HPS5: variants seen among roughly 807,000 people sequenced by gnomAD.
HPS5 encodes the protein BLOC-2 complex member HPS5.
In HPS5, 83 loss-of-function variants were observed where a neutral mutation model predicts 128.0. The ratio of observed to expected loss-of-function variants is 0.65; its 90% CI spans 0.54 to 0.78. The LOEUF (loss-of-function observed/expected upper bound fraction) is 0.78, where lower values mean the gene tolerates loss of function less well. Ranked by LOEUF, HPS5 falls within the 30% of genes least tolerant of loss-of-function variation. The pLI, the probability that HPS5 is intolerant of heterozygous loss-of-function variation, is 0.00. For missense variants in HPS5, 1,281 were observed against 1,326.2 expected (o/e 0.97, Z 0.53); for synonymous variants, 475 against 470.2 (o/e 1.01, Z -0.13).
chr11:18,312,511 C>T (rs149780886), intron 2 of HPS5, among the ~76,000 whole-genome samples: 1 of 152,162 alleles, frequency 6.6e-6, no homozygotes, highest in Non-Finnish European at 1.5e-5. Context: ...TGCCCAATAC[C>T]CCGTGGTAAA....
At chr11:18,295,641 A>G (rs1261369144) in intron 13 of HPS5, among the ~76,000 whole-genome samples, 1 of 152,262 alleles carries the variant, frequency 6.6e-6, no homozygotes, top group Non-Finnish European at 1.5e-5. Context: ...CCCTGGTCCC[A>G]TGGAGTAGCT....
At chr11:18,313,549 T>C (rs903801550) in intron 2 of HPS5, among the ~76,000 whole-genome samples, 7 of 152,174 alleles carry the variant, frequency 4.6e-5, no homozygotes. Flanking sequence ...CCCAACATTT[T>C]GGGAGGTCAG....
At chr11:18,295,848 G>A in intron 13 of HPS5, 151 bp downstream of exon 13, 1 of 813,196 alleles carries the variant, frequency 1.2e-6, no homozygotes, top group Non-Finnish European at 2.0e-6. Context: ...TCTCCCCAAG[G>A]TAAATGAGAA....
chr11:18,311,406 AATC>A lies in HPS5; in HGVS notation c.262_264del (p.Asp88del), dbSNP rs1329350124. The A allele has an allele frequency of 6.8e-6, 11 of 1,606,846 alleles. No homozygotes were observed. Among genetic ancestry groups the A allele is most frequent in the Non-Finnish European group, 9.4e-6 (11 of 1,173,942 alleles). ...TCTTACCTGGTAGCTACAGCAACATAATCATCATCATGTAAACAACAGGCGACT... is the reference window on the plus strand; with the variant it reads ...TCTTACCTGGTAGCTACAGCAACATAATCATCATGTAAACAACAGGCGACT... On this transcript the variant is annotated inframe_deletion, in exon 4 of 23. Coordinates refer to ENST00000349215, the MANE Select transcript of HPS5 (RefSeq NM_181507.2).
chr11:18,308,439 G>C (rs1476396062), intron 6 of HPS5, among the ~76,000 whole-genome samples: 1 of 152,136 alleles, frequency 6.6e-6, no homozygotes, highest in African/African-American at 2.4e-5. Context: ...CGGAATACTT[G>C]TCTTAGTCAC....
intron 2 of HPS5, among the ~76,000 whole-genome samples, chr11:18,315,294 G>A (rs1863482217): frequency 6.6e-6 from 1 of 152,090 alleles, no homozygotes; most frequent in Non-Finnish European, 1.5e-5. Context: ...CTCTCCAGAG[G>A]AATTTCCTTA....
Position 18,291,700 on chromosome 11 carries a change from C to T in HPS5, c.2182G>A (p.Ala728Thr), listed in dbSNP as rs150487992. The change falls in exon 16 of 23, where the codon GCC becomes ACC. Residue 728 changes from alanine (A) to threonine (T), a missense_variant. By Grantham distance (58) the Ala-to-Thr change is moderately conservative (BLOSUM62 0). Transcript: ENST00000349215. ...DDLFQICSPC[A>T]IASGLRNDLA... ...TCGTTCCGAAGACCACTTGCAATGG[C>T]GCATGGAGAACATATTTGAAACAGG... 1.2e-4 allele frequency: 188 copies of T among 1,614,162 alleles called. 1 individual carries two copies. The African/African-American group carries it at 1.6e-3, about 14-fold the overall frequency.
At chr11:18,310,136 G>A (rs1862804705) in intron 5 of HPS5, among the ~76,000 whole-genome samples, 1 of 152,216 alleles carries the variant, frequency 6.6e-6, no homozygotes, top group Admixed American at 6.5e-5. Context: ...GCAGGACAAT[G>A]AGAAGCTGGT....
Position 18,308,876 on chromosome 11 carries a change from TAGATA to T in HPS5, c.611+65_611+69del. 3 of 1,464,104 alleles carry T rather than the reference TAGATA, an allele frequency of 2.0e-6. No individual in the cohort carries two copies. The Admixed American group carries it at 5.1e-5, about 25-fold the overall frequency. 90.7% of individuals were successfully genotyped at this position (1,464,104 alleles called of 1,614,324 possible). A position where few individuals can be genotyped will look rare whatever the true frequency, so the allele number is the denominator to read the frequency against. ...TATAACTGATTGATGGGGCTTGGGG[TAGATA>T]ACTTCTAAGTTCCTCCCAGTTCTAA... On this transcript the variant is annotated intron_variant, in intron 6 of 22. Transcript: ENST00000349215.
intron 14 of HPS5, among the ~76,000 whole-genome samples, chr11:18,293,560 T>G (rs924037543): frequency 1.3e-5 from 2 of 152,170 alleles, no homozygotes; most frequent in Non-Finnish European, 2.9e-5. Flanking sequence ...CTCAAGGTGA[T>G]AAGCTCCAGT....
chr11:18,316,502 G>A (rs1050798643), intron 2 of HPS5, among the ~76,000 whole-genome samples: 1 of 152,020 alleles, frequency 6.6e-6, no homozygotes, highest in African/African-American at 2.4e-5. Context: ...AACACTAACG[G>A]GGAAAAATGA....
At chr11:18,288,734 C>CTCTGTG (rs139551322) in intron 16 of HPS5, among the ~76,000 whole-genome samples, 13 of 149,800 alleles carry the variant, frequency 8.7e-5, no homozygotes, top group African/African-American at 3.2e-4. Context: ...GAACTCCTGG[C>CTCTGTG]TGTGTGTGTG....
intron 18 of HPS5, 65 bp from the exon 19 acceptor site, chr11:18,286,775 G>C (rs1859786346): frequency 6.2e-7 from 1 of 1,601,630 alleles, no homozygotes; most frequent in Admixed American, 1.7e-5. Context: ...TAAAATGTGG[G>C]GAGTGTGAAG....
intron 18 of HPS5, chr11:18,286,930 A>C (rs1446454764): frequency 6.4e-6 from 4 of 623,538 alleles, no homozygotes; most frequent in East Asian, 2.7e-5. Flanking sequence ...AAGGGAGAGA[A>C]AGAGAGAGAG....
rs201333645 is a variant in HPS5 at position 18,282,144 on chromosome 11, G to T, written c.3135C>A (p.Pro1045=). Reference sequence around the variant, plus strand: ...TGAGGCTCCCATTTAGTGACTCCTGGGGGGCTGGCCTCGTGCTCTTGCTCT... The same window carrying T: ...TGAGGCTCCCATTTAGTGACTCCTGTGGGGCTGGCCTCGTGCTCTTGCTCT... ...LIQSKSTRPA[P]QESLNGSLSD... The change falls in exon 22 of 23, where the codon CCC becomes CCA. Residue 1045 remains proline (P), a synonymous_variant. Coordinates refer to ENST00000349215, the MANE Select transcript of HPS5 (RefSeq NM_181507.2). 5.6e-6 allele frequency: 9 copies of T among 1,614,112 alleles called. No homozygotes were observed. The highest frequency in any genetic ancestry group is 2.7e-5 in the African/African-American group (2 of 75,008).
intron 20 of HPS5, among the ~76,000 whole-genome samples, chr11:18,285,142 T>TAAAAAAA (rs532196282): frequency 2.4e-5 from 3 of 126,038 alleles, no homozygotes; most frequent in Non-Finnish European, 1.7e-5. Flanking sequence ...TAAGGCTATT[T>TAAAAAAA]AAAAAAAAAA....
chr11:18,286,528 T>C, intron 19 of HPS5, 63 bp downstream of exon 19: 1 of 1,500,358 alleles, frequency 6.7e-7, no homozygotes, highest in Non-Finnish European at 9.1e-7. Flanking sequence ...GGCGACAGAG[T>C]GAGATCCTGT....
rs146775168 is a variant in HPS5 at position 18,305,929 on chromosome 11, T to TCACCC, written c.824+205_824+206insGGGTG. On this transcript the variant is annotated intron_variant, in intron 7 of 22. Transcript: ENST00000349215. ...TTGTATTTTTGGTAGAGACGGGGTT[T>TCACCC]CACCGCGTTAGTCAGGATGGTCTCG... Among the ~76,000 whole-genome samples, 21,140 of 152,072 alleles carry TCACCC rather than the reference T, an allele frequency of 0.14. 1,552 individuals are homozygous for TCACCC. The highest frequency in any genetic ancestry group is 0.19 in the African/African-American group (7,849 of 41,462).
intron 19 of HPS5, 110 bp downstream of exon 19, chr11:18,286,481 G>A (rs1480336848): frequency 2.7e-6 from 3 of 1,091,346 alleles, no homozygotes; most frequent in Non-Finnish European, 4.0e-6. Context: ...GGTCAAGGCT[G>A]CAGGAAGCCA....
Sources: allele counts gnomAD v4.1 joint callset (sites outside exome capture counted in the v4.1 genomes callset), GRCh38; gene constraint gnomAD v4.1.1; transcripts MANE v1.5; gene names NCBI Gene and HGNC (gene_info 2026-07-23, HGNC 2026-07-21).